The following HM13 variants were observed in gnomAD, a reference collection of about 807,000 sequenced individuals.
The protein encoded by HM13 is signal peptide peptidase.
Under a neutral mutation model 50.0 loss-of-function variants are expected in HM13, and 18 were observed. The observed-to-expected ratio is 0.36, with a 90% CI of 0.25 to 0.53. The LOEUF is 0.53. Ranked by LOEUF, HM13 falls within the 20% of genes least tolerant of loss-of-function variation. The pLI is 0.90. For synonymous variants in HM13, 197 were observed against 232.6 expected (o/e 0.85, Z 1.39); for missense variants, 393 against 552.4 (o/e 0.71, Z 2.89).
intron 8 of HM13, among the ~76,000 whole-genome samples, chr20:31,556,092 C>T (rs76492207): frequency 3.4e-5 from 5 of 147,280 alleles, no homozygotes; most frequent in African/African-American, 5.1e-5. Flanking sequence ...AGTGCAATAA[C>T]GCGATCTCGG....
Position 31,568,100 on chromosome 20 carries a change from C to T in HM13, c.1057C>T (p.Leu353=), listed in dbSNP as rs1339777732. 1.2e-6 allele frequency: 2 copies of T among 1,611,994 alleles called. No homozygotes were observed. Among genetic ancestry groups the T allele is most frequent in the South Asian group, 2.2e-5 (2 of 90,710 alleles). The change falls in exon 12 of 13, where the codon CTG becomes TTG. Residue 353 remains leucine, a synonymous_variant. Coordinates refer to ENST00000398174, the MANE Select transcript of HM13 (RefSeq NM_178581.3). The stretch of plus-strand genomic sequence containing the variant: ...CAGCTACGAGTCCTCGGCGGAAATC[C>T]TGCCTCATACCCCGAGGCTCACCCA... The part of the protein sequence containing the change: ...MFSYESSAEI[L]PHTPRLTHFP...
intron 11 of HM13, 155 bp from the exon 12 acceptor site, chr20:31,567,923 A>G (rs751795409): frequency 3.0e-6 from 2 of 663,564 alleles, no homozygotes; most frequent in Non-Finnish European, 5.0e-6. Flanking sequence ...CATTCTCCAA[A>G]TAATATCAGC....
At position 31,514,583 on chromosome 20, in the gene HM13, G is replaced by T. The variant is rs760643674; in HGVS notation, c.32G>T (p.Gly11Val). ...TCGGCCCTCAGCGATCCGCATAACG[G>T]CAGTGCCGAGGCAGGCGGCCCCACC... MDSALSDPHN[G>V]SAEAGGPTNS... Residue 11 changes from glycine (G) to valine (V), a missense_variant, in exon 1 of 13, where the codon GGC (glycine) becomes GTC (valine). By Grantham distance (109) the Gly-to-Val change is moderately radical. Around this residue, in one of 3 missense-constraint regions of HM13, gnomAD observed 214 missense variants for 276.1 expected, o/e 0.77. Transcript: ENST00000398174. This position sits in a 1 kb window ranked among gnomAD's most constrained non-coding sequence, Gnocchi z 4.3. 84 of 1,605,280 alleles carry T rather than the reference G, an allele frequency of 5.2e-5. 1 individual carries two copies. The South Asian group carries it at 8.8e-4, about 17-fold the overall frequency.
chr20:31,535,208 C>T (rs1675227686), intron 2 of HM13: 2 of 152,144 alleles, frequency 1.3e-5, no homozygotes, highest in African/African-American at 4.8e-5. Flanking sequence ...TAAATTTGCA[C>T]AATATAGTAA....
At chr20:31,516,321 A>G in intron 1 of HM13, among the ~76,000 whole-genome samples, 1 of 152,230 alleles carries the variant, frequency 6.6e-6, no homozygotes, top group East Asian at 1.9e-4. Context: ...TAATCTCTGC[A>G]GAAAACACCT....
At chr20:31,565,391 A>G (rs995874456) in intron 10 of HM13, among the ~76,000 whole-genome samples, 3 of 150,940 alleles carry the variant, frequency 2.0e-5, no homozygotes, top group African/African-American at 7.3e-5. Context: ...AGGCAGGAGA[A>G]TCGCTTGAAC....
chr20:31,528,582 G>GA (rs1465655303), intron 2 of HM13, among the ~76,000 whole-genome samples: 7 of 152,220 alleles, frequency 4.6e-5, no homozygotes, highest in African/African-American at 1.7e-4. Flanking sequence ...AGGTTCAAGT[G>GA]GTTCTCCTGC....
At chr20:31,527,716 C>G in intron 2 of HM13, 134 bp downstream of exon 2, 2 of 645,796 alleles carry the variant, frequency 3.1e-6, no homozygotes, top group South Asian at 4.0e-5. Flanking sequence ...ATAATTCACC[C>G]ATAGACCTAC....
At position 31,561,716 on chromosome 20, in the gene HM13, C is replaced by T; in HGVS notation, c.928C>T (p.His310Tyr). 1 of 1,611,658 alleles carries T rather than the reference C, an allele frequency of 6.2e-7. No individual in the cohort carries two copies. Among genetic ancestry groups the T allele is most frequent in the Non-Finnish European group, 8.5e-7 (1 of 1,177,680 alleles). Reference sequence around the variant, plus strand: ...CCTGGGCCTTACCATCTTCATCATGCACATCTTCAAGCATGCTCAGGTGGG... The same window carrying T: ...CCTGGGCCTTACCATCTTCATCATGTACATCTTCAAGCATGCTCAGGTGGG... The part of the protein sequence containing the change: ...FGLGLTIFIM[H>Y]IFKHAQPALL... The change falls in exon 10 of 13, where the codon CAC becomes TAC. Residue 310 changes from histidine (H) to tyrosine (Y), a missense_variant. Transcript: ENST00000398174.
At chr20:31,540,209 C>T (rs1208463631) in intron 3 of HM13, 2 of 152,412 alleles carry the variant, frequency 1.3e-5, no homozygotes, top group East Asian at 3.9e-4. Context: ...TAGTCCAGCC[C>T]CGCATCCTGA....
At chr20:31,517,066 A>G (rs570195082) in intron 1 of HM13, among the ~76,000 whole-genome samples, 1 of 152,240 alleles carries the variant, frequency 6.6e-6, no homozygotes, top group Non-Finnish European at 1.5e-5. Context: ...TAGGGAAAGG[A>G]CAGGGCAAAT....
intron 2 of HM13, among the ~76,000 whole-genome samples, chr20:31,532,649 G>C (rs1982886667): frequency 1.3e-5 from 2 of 152,044 alleles, no homozygotes; most frequent in Admixed American, 6.6e-5. Context: ...TGTAGTGTTG[G>C]TATATCTGTG....
intron 12 of HM13, 81 bp from the exon 13 acceptor site, chr20:31,569,039 G>A: frequency 1.0e-6 from 1 of 967,496 alleles, no homozygotes; most frequent in South Asian, 1.5e-5. Flanking sequence ...TAGGATGGGG[G>A]TGGGGGAAGG....
At chr20:31,523,107 G>A (rs968132983) in intron 1 of HM13, among the ~76,000 whole-genome samples, 2 of 149,696 alleles carry the variant, frequency 1.3e-5, no homozygotes, top group South Asian at 4.2e-4. Flanking sequence ...CTGGAGTTCA[G>A]TGGCACGATC....
At chr20:31,560,138 T>G (rs1421435835) in intron 9 of HM13, among the ~76,000 whole-genome samples, 2 of 152,216 alleles carry the variant, frequency 1.3e-5, no homozygotes, top group Non-Finnish European at 2.9e-5. Flanking sequence ...CTCAGACATT[T>G]TTCAGTCTGT....
At chr20:31,523,482 C>T (rs1220362590) in intron 1 of HM13, among the ~76,000 whole-genome samples, 3 of 152,104 alleles carry the variant, frequency 2.0e-5, no homozygotes, top group African/African-American at 7.2e-5. Context: ...AGGCTGATCT[C>T]GAAATCCTGA....
chr20:31,532,545 C>T (rs1982882106), intron 2 of HM13, among the ~76,000 whole-genome samples: 1 of 152,116 alleles, frequency 6.6e-6, no homozygotes, highest in Non-Finnish European at 1.5e-5. Context: ...CAATATCCAC[C>T]TCCATTTCCC....
At chr20:31,568,329 G>A in intron 12 of HM13, 105 bp downstream of exon 12, 4 of 1,419,802 alleles carry the variant, frequency 2.8e-6, no homozygotes, top group Non-Finnish European at 3.7e-6. Flanking sequence ...ACCATTGCCA[G>A]GAGTAGGCCG....
chr20:31,519,573 A>G (rs980114114), intron 1 of HM13, among the ~76,000 whole-genome samples: 1 of 152,202 alleles, frequency 6.6e-6, no homozygotes, highest in Non-Finnish European at 1.5e-5. Flanking sequence ...CAGCAGTGTC[A>G]GCATCACCCC....
Sources: allele counts gnomAD v4.1 joint callset (sites outside exome capture counted in the v4.1 genomes callset), GRCh38; gene constraint gnomAD v4.1.1; regional missense constraint gnomAD v4.1.1; non-coding constraint Gnocchi (gnomAD v3.1); transcripts MANE v1.5; gene names NCBI Gene and HGNC (gene_info 2026-07-23, HGNC 2026-07-21).